ANKRD36B: variants seen among roughly 807,000 people sequenced by gnomAD.
The protein encoded by ANKRD36B is ankyrin repeat domain-containing protein 36B.
A neutral mutation model predicts 135.7 loss-of-function variants in ANKRD36B; 37 were observed. The observed-to-expected ratio is 0.27, with a 90% CI of 0.21 to 0.36. The LOEUF (loss-of-function observed/expected upper bound fraction) is 0.36. Among genes scored for constraint, ANKRD36B ranks in the 10% least tolerant of loss-of-function variants. The probability of loss-of-function intolerance (pLI) is 1.00; values close to 1 mark genes in which losing one functional copy is unlikely to be tolerated. For synonymous variants in ANKRD36B, 179 were observed against 348.1 expected (o/e 0.51, Z 5.41); for missense variants, 549 against 1,037.1 (o/e 0.53, Z 6.46).
At chr2:97,560,200 T>A (rs1208166189) in intron 8 of ANKRD36B, among the ~76,000 whole-genome samples, 2 of 151,872 alleles carry the variant, frequency 1.3e-5, no homozygotes, top group Non-Finnish European at 2.9e-5. Context: ...TGCCTCACAA[T>A]CCCTCTTCCT....
intron 2 of ANKRD36B, 68 bp downstream of exon 2, chr2:97,585,216 T>C: frequency 6.4e-7 from 1 of 1,556,232 alleles, no homozygotes; most frequent in Non-Finnish European, 8.7e-7. Flanking sequence ...TCCAATGAGA[T>C]AAATTCATTT....
rs182352593 is a variant in ANKRD36B at position 97,580,005 on chromosome 2, A to T, written c.557+457T>A. On this transcript the variant is annotated intron_variant, in intron 4 of 43. Transcript: ENST00000359901. ...CTAAAGCTTGTCTTCATTGAAGTAA[A>T]GTTTTATCCATCTAAAGCTATCTTT... 2.2e-4 allele frequency among the ~76,000 whole-genome samples: 33 copies of T among 152,368 alleles called. No individual in the cohort carries two copies. In the East Asian group the frequency reaches 6.4e-3, roughly 29 times the overall value.
intron 6 of ANKRD36B, among the ~76,000 whole-genome samples, chr2:97,572,933 T>A (rs1171528068): frequency 5.9e-5 from 9 of 151,762 alleles, no homozygotes; most frequent in Non-Finnish European, 1.2e-4. Context: ...TTTTTTTTTT[T>A]TATACTTTTA....
intron 6 of ANKRD36B, among the ~76,000 whole-genome samples, chr2:97,574,109 G>A (rs930754872): frequency 4.6e-5 from 7 of 152,098 alleles, no homozygotes; most frequent in Admixed American, 2.6e-4. Flanking sequence ...GCAACCTACG[G>A]AATGGGAGAA....
Position 97,531,348 on chromosome 2 carries a change from T to C in ANKRD36B, c.2265+963A>G, listed in dbSNP as rs1576847997. Among the ~76,000 whole-genome samples, 2 of 67,706 alleles carry C rather than the reference T, an allele frequency of 3.0e-5. 1 individual carries two copies. The highest frequency in any genetic ancestry group is 3.0e-4 in the Admixed American group (2 of 6,598). The allele number at this position is 67,706 out of a possible 152,430, so 44.4% of individuals were successfully genotyped here. On this transcript the variant is annotated intron_variant, in intron 35 of 43. Transcript: ENST00000359901. Reference sequence around the variant, plus strand: ...GCATGCTCTCACTCATAGGTGGGAATTGAACAACGAGAACACGTGGACACA... The same window carrying C: ...GCATGCTCTCACTCATAGGTGGGAACTGAACAACGAGAACACGTGGACACA...
In ANKRD36B at chr2:97,525,199, A is replaced by C. The variant is rs1371664275; in HGVS notation, c.2266-1732T>G. Among the ~76,000 whole-genome samples the C allele has an allele frequency of 2.1e-5, 2 of 97,072 alleles. 1 individual carries two copies. The highest frequency in any genetic ancestry group is 5.5e-5 in the Non-Finnish European group (2 of 36,496). 63.7% of individuals were successfully genotyped at this position (97,072 alleles called of 152,430 possible). ...AATTTGCCACTGTTTGTTTGAACTA[A>C]ACTTGACTAATTCATTATGTGTTAA... is the stretch of plus-strand genomic sequence containing the variant. On this transcript the variant is annotated intron_variant, in intron 35 of 43. Transcript: ENST00000359901.
intron 38 of ANKRD36B, 65 bp downstream of exon 38, chr2:97,513,115 A>G: frequency 6.9e-7 from 1 of 1,448,628 alleles, no homozygotes; most frequent in South Asian, 1.3e-5. Context: ...ATGTTAAATG[A>G]AAGAGATGGT....
At chr2:97,528,247 A>T (rs1576829431) in intron 35 of ANKRD36B, among the ~76,000 whole-genome samples, 1 of 95,656 alleles carries the variant, frequency 1.0e-5, no homozygotes, top group Admixed American at 9.3e-5. Flanking sequence ...GGATTAAGAA[A>T]CTCACTAAAA....
At position 97,545,734 on chromosome 2, in the gene ANKRD36B, G is replaced by A. The variant is rs371263086; in HGVS notation, c.1613C>T (p.Thr538Ile). ...SSHKQPSLKA[T>I]SDKEDSVPNM... ...CGGAACAGAATCTTCCTTGTCACTT[G>A]TAGCCTGAATGGAATTTGAAACAGA... The change falls in exon 24 of 44, where the codon ACA becomes ATA. Residue 538 changes from threonine to isoleucine, a missense_variant. By Grantham distance (89) the Thr-to-Ile change is moderately conservative. Coordinates refer to ENST00000359901, the MANE Select transcript of ANKRD36B (RefSeq NM_001393939.1). 7 of 961,078 alleles carry A rather than the reference G, an allele frequency of 7.3e-6. 2 individuals are homozygous for A. The highest frequency in any genetic ancestry group is 6.7e-5 in the African/African-American group (4 of 59,824). The allele number at this position is 961,078 out of a possible 1,614,324, so 59.5% of individuals were successfully genotyped here. A position where few individuals can be genotyped will look rare whatever the true frequency, so the allele number is the denominator to read the frequency against.
intron 20 of ANKRD36B, among the ~76,000 whole-genome samples, chr2:97,547,934 T>C (rs550769834): frequency 1.3e-4 from 19 of 151,862 alleles, no homozygotes; most frequent in South Asian, 4.1e-4. Flanking sequence ...AATACTCTTA[T>C]AATTTCAAAC....
At chr2:97,571,312 T>C (rs2081845168) in intron 6 of ANKRD36B, among the ~76,000 whole-genome samples, 1 of 152,012 alleles carries the variant, frequency 6.6e-6, no homozygotes, top group African/African-American at 2.4e-5. Context: ...TGAACAACCA[T>C]TGCACTCCAG....
chr2:97,550,523 C>T (rs1282272470), intron 18 of ANKRD36B, among the ~76,000 whole-genome samples: 3 of 151,798 alleles, frequency 2.0e-5, no homozygotes, highest in Non-Finnish European at 1.5e-5. Flanking sequence ...CTATTTTATA[C>T]AAGAGGTAGC....
At chr2:97,559,285 G>A (rs559921622) in intron 8 of ANKRD36B, among the ~76,000 whole-genome samples, 1 of 151,862 alleles carries the variant, frequency 6.6e-6, no homozygotes, top group East Asian at 1.9e-4. Context: ...GAGTGATGAG[G>A]ACAAATCAGA....
Position 97,549,589 on chromosome 2 carries a change from C to G in ANKRD36B, c.1401G>C (p.Leu467Phe), listed in dbSNP as rs764267488. Residue 467 changes from leucine to phenylalanine, a missense_variant, in exon 19 of 44, where the codon TTG (leucine) becomes TTC (phenylalanine). By Grantham distance (22) the Leu-to-Phe change is conservative. Coordinates refer to ENST00000359901, the MANE Select transcript of ANKRD36B (RefSeq NM_001393939.1). Reference protein sequence around the residue: ...RTVSSQKPPALKATSVKEDSV... With the variant: ...RTVSSQKPPAFKATSVKEDSV... ...ATATAAATGAGAGTTTCATTACCTT[C>G]AAGGCTGGTGGTTTCTGAGAAGACA... The G allele has an allele frequency of 2.3e-5, 37 of 1,608,692 alleles. No individual in the cohort carries two copies. Among genetic ancestry groups the G allele is most frequent in the Non-Finnish European group, 8.5e-7 (1 of 1,177,964 alleles).
rs187097727 is a variant in ANKRD36B at position 97,545,373 on chromosome 2, T to A, written c.1681+293A>T. Among the ~76,000 whole-genome samples the A allele has an allele frequency of 2.1e-5, 2 of 95,418 alleles. 1 individual carries two copies. The highest frequency in any genetic ancestry group is 6.2e-5 in the African/African-American group (2 of 32,084). The allele number at this position is 95,418 out of a possible 152,430, so 62.6% of individuals were successfully genotyped here. ...TCTCTTTCCCCTCTTGATGGAAACA[T>A]GCTGTAGAATTAAAGCAAAATGATG... On this transcript the variant is annotated intron_variant, in intron 24 of 43. Transcript: ENST00000359901.
At chr2:97,571,288 G>A (rs1343394315) in intron 6 of ANKRD36B, among the ~76,000 whole-genome samples, 2 of 152,170 alleles carry the variant, frequency 1.3e-5, no homozygotes, top group Non-Finnish European at 2.9e-5. Flanking sequence ...AGGCTGCAGT[G>A]GAGATTGTGC....
At chr2:97,548,711 A>G (rs540442865) in intron 20 of ANKRD36B, among the ~76,000 whole-genome samples, 1 of 152,110 alleles carries the variant, frequency 6.6e-6, no homozygotes, top group Non-Finnish European at 1.5e-5. Flanking sequence ...TATAACTAAA[A>G]TCAACAAAAC....
At chr2:97,582,432 T>C (rs962200850) in intron 3 of ANKRD36B, among the ~76,000 whole-genome samples, 1 of 151,646 alleles carries the variant, frequency 6.6e-6, no homozygotes, top group East Asian at 1.9e-4. Context: ...GCAAGGGAGA[T>C]GACCTGAGGA....
Position 97,551,280 on chromosome 2 carries a change from C to T in ANKRD36B, c.1375+9G>A. The T allele has an allele frequency of 6.4e-7, 1 of 1,550,464 alleles. No homozygotes were observed. Among genetic ancestry groups the T allele is most frequent in the African/African-American group, 1.4e-5 (1 of 73,450 alleles). On this transcript the variant is annotated intron_variant, in intron 18 of 43. Coordinates refer to ENST00000359901, the MANE Select transcript of ANKRD36B (RefSeq NM_001393939.1). ...TGAACATGACATTAAATGTGTTTCG[C>T]AAAATTACCTGTCCTAGATATTTCT...
Sources: allele counts gnomAD v4.1 joint callset (sites outside exome capture counted in the v4.1 genomes callset), GRCh38; gene constraint gnomAD v4.1.1; transcripts MANE v1.5; gene names NCBI Gene and HGNC (gene_info 2026-07-23, HGNC 2026-07-21).